Variants in ADRA1A observed in about 807,000 individuals in gnomAD.
The protein encoded by ADRA1A is adrenoceptor alpha 1A.
ADRA1A carries 31 observed loss-of-function variants against 29.6 expected under a neutral mutation model. The ratio of observed to expected loss-of-function variants is 1.05; its 90% CI spans 0.79 to 1.41. ADRA1A has a LOEUF of 1.41. Ranked by LOEUF, ADRA1A falls within the 40% of genes most tolerant of loss-of-function variation. The pLI is 0.00. For synonymous variants in ADRA1A, 311 were observed against 254.3 expected (o/e 1.22, Z -2.12); for missense variants, 619 against 601.1 (o/e 1.03, Z -0.31).
rs770838608 is a variant in ADRA1A, at chr8:26,770,196, T to C, written c.1354A>G (p.Ile452Val). The change falls in exon 3 of 3, where the codon ATT becomes GTT. Residue 452 changes from isoleucine (I) to valine (V), a missense_variant. Physicochemically the swap from Ile to Val is conservative, Grantham distance 29. Transcript: ENST00000380573. Reference sequence around the variant, plus strand: ...CTGAGGGAGATGGTGTGGACCTTAATGGTTGGAACTTGATGGTTCTTGTCA... The same window carrying C: ...CTGAGGGAGATGGTGTGGACCTTAACGGTTGGAACTTGATGGTTCTTGTCA... ...SLDKNHQVPT[I>V]KVHTISLSEN... is the part of the protein sequence containing the mutation. 10 of 1,593,116 alleles carry C rather than the reference T, an allele frequency of 6.3e-6. No homozygotes were observed. The highest frequency in any genetic ancestry group is 7.7e-6 in the Non-Finnish European group (9 of 1,168,662).
chr8:26,803,417 G>A lies in ADRA1A; in HGVS notation c.884-32751C>T, dbSNP rs557188156. On this transcript the variant is annotated intron_variant, in intron 2 of 2. Coordinates refer to ENST00000380573, the MANE Select transcript of ADRA1A (RefSeq NM_000680.4). ...ATGACTCTTGAACTATACTTATACT[G>A]TGCACAAAAATTAATTTGTATGGAG... 7.9e-5 allele frequency among the ~76,000 whole-genome samples: 12 copies of A among 152,126 alleles called. No homozygotes were observed. In the South Asian group the frequency reaches 2.5e-3, roughly 32 times the overall value.
At chr8:26,846,730 C>A (rs1442451044) in intron 2 of ADRA1A, among the ~76,000 whole-genome samples, 3 of 152,168 alleles carry the variant, frequency 2.0e-5, no homozygotes, top group African/African-American at 7.2e-5. Context: ...CGCGATCGCG[C>A]CATTGCACTC....
At chr8:26,854,395 C>T (rs537413531) in intron 2 of ADRA1A, 1 of 101,592 alleles carries the variant, frequency 9.8e-6, no homozygotes, top group East Asian at 2.6e-4. Flanking sequence ...ATGTCTGGAA[C>T]AAAAAAATGC....
chr8:26,793,763 T>C (rs1289861422), intron 2 of ADRA1A, among the ~76,000 whole-genome samples: 1 of 151,950 alleles, frequency 6.6e-6, no homozygotes, highest in Non-Finnish European at 1.5e-5. Context: ...AAATAATATA[T>C]GAAAACTATA....
At chr8:26,800,689 C>A (rs1178349493) in intron 2 of ADRA1A, among the ~76,000 whole-genome samples, 1 of 152,070 alleles carries the variant, frequency 6.6e-6, no homozygotes, top group Non-Finnish European at 1.5e-5. Context: ...CAAAGAAGAA[C>A]TAATACGAAT....
intron 2 of ADRA1A, among the ~76,000 whole-genome samples, chr8:26,853,077 G>A (rs558153609): frequency 1.3e-5 from 2 of 152,120 alleles, no homozygotes; most frequent in East Asian, 1.9e-4. Flanking sequence ...TAAAGCAAAT[G>A]TTTAATTTAA....
chr8:26,822,514 A>C (rs912530295), intron 2 of ADRA1A, among the ~76,000 whole-genome samples: 6 of 152,240 alleles, frequency 3.9e-5, no homozygotes, highest in Non-Finnish European at 8.8e-5. Flanking sequence ...ACAGATTTAC[A>C]TTCTTACAAA....
intron 2 of ADRA1A, among the ~76,000 whole-genome samples, chr8:26,788,677 T>C (rs1009264138): frequency 6.6e-6 from 1 of 152,140 alleles, no homozygotes; most frequent in Non-Finnish European, 1.5e-5. Context: ...AAAATGAGAC[T>C]CGGGGAGTTT....
chr8:26,830,548 T>C (rs1810901134), intron 2 of ADRA1A, among the ~76,000 whole-genome samples: 1 of 151,856 alleles, frequency 6.6e-6, no homozygotes, highest in Non-Finnish European at 1.5e-5. Context: ...AGGGGAAGAG[T>C]TAACAGAGGG....
rs895605989 is a variant in ADRA1A at position 26,831,913 on chromosome 8, C to G, written c.883+32174G>C. On this transcript the variant is annotated intron_variant, in intron 2 of 2. Transcript: ENST00000380573. This position sits in a 1 kb window ranked among gnomAD's most constrained non-coding sequence, Gnocchi z 5.2. ...TGCTCCAGGCTGGCTCCCACCTCTC[C>G]CTAAGAGACACCTGGGCCTGGCCGT... 6.6e-6 allele frequency among the ~76,000 whole-genome samples: 1 copy of G among 152,212 alleles called. No homozygotes were observed. The highest frequency in any genetic ancestry group is 1.5e-5 in the Non-Finnish European group (1 of 68,042).
intron 2 of ADRA1A, among the ~76,000 whole-genome samples, chr8:26,849,428 T>C (rs1812452467): frequency 6.6e-6 from 1 of 152,184 alleles, no homozygotes; most frequent in South Asian, 2.1e-4. Flanking sequence ...CGGTCAGTCA[T>C]GCCACCCGGA....
intron 2 of ADRA1A, among the ~76,000 whole-genome samples, chr8:26,790,350 C>T (rs1157712357): frequency 1.3e-5 from 2 of 152,006 alleles, no homozygotes; most frequent in Non-Finnish European, 2.9e-5. Flanking sequence ...TGAAATAAGC[C>T]AGGAACAGAA....
At chr8:26,847,349 T>G (rs1262508732) in intron 2 of ADRA1A, among the ~76,000 whole-genome samples, 1 of 152,180 alleles carries the variant, frequency 6.6e-6, no homozygotes, top group African/African-American at 2.4e-5. Flanking sequence ...GATTGAGAAC[T>G]ACTAATGTGA....
In ADRA1A at chr8:26,775,288, G is replaced by C. The variant is rs61760529; in HGVS notation, c.884-4622C>G. On this transcript the variant is annotated intron_variant, in intron 2 of 2. Transcript: ENST00000380573. This position sits in a 1 kb window ranked among gnomAD's most constrained non-coding sequence, Gnocchi z 4.1. ...AGTGTGGCTTGGTTTTCTTTTCTGCGTGATGGCTGTAGCCTCATATTATCT... is the reference window on the plus strand; with the variant it reads ...AGTGTGGCTTGGTTTTCTTTTCTGCCTGATGGCTGTAGCCTCATATTATCT... Among the ~76,000 whole-genome samples the C allele has an allele frequency of 2.6e-5, 4 of 152,136 alleles. No homozygotes were observed. Among genetic ancestry groups the C allele is most frequent in the African/African-American group, 4.8e-5 (2 of 41,426 alleles).
intron 2 of ADRA1A, among the ~76,000 whole-genome samples, chr8:26,786,476 C>A (rs1807397759): frequency 6.6e-6 from 1 of 151,820 alleles, no homozygotes; most frequent in African/African-American, 2.4e-5. Flanking sequence ...AGATGTACTC[C>A]ATTGAGTACA....
chr8:26,783,043 C>T (rs1050023885), intron 2 of ADRA1A, among the ~76,000 whole-genome samples: 11 of 152,180 alleles, frequency 7.2e-5, no homozygotes, highest in African/African-American at 2.7e-4. Context: ...CTAGCTAGAA[C>T]CTCATATCAG....
At chr8:26,794,401 T>C (rs1808045443) in intron 2 of ADRA1A, among the ~76,000 whole-genome samples, 1 of 152,102 alleles carries the variant, frequency 6.6e-6, no homozygotes, top group Admixed American at 6.6e-5. Flanking sequence ...AGAATTGTGG[T>C]TCATGAATCT....
At position 26,769,369 on chromosome 8, in the gene ADRA1A, C is replaced by T; in HGVS notation, c.*780G>A. The T allele has an allele frequency of 1.0e-6, 1 of 985,416 alleles. No individual in the cohort carries two copies. The highest frequency in any genetic ancestry group is 5.2e-4 in the Middle Eastern group (1 of 1,914). 61.0% of individuals were successfully genotyped at this position (985,416 alleles called of 1,614,324 possible). A position where few individuals can be genotyped will look rare whatever the true frequency, so the allele number is the denominator to read the frequency against. On this transcript the variant is annotated 3_prime_UTR_variant, in exon 3 of 3. Coordinates refer to ENST00000380573, the MANE Select transcript of ADRA1A (RefSeq NM_000680.4). ...ATCTTGGAACTGTTTAATGGATTTT[C>T]TCTCTAGTAGTTAAATTGAAAGAAT... is the stretch of plus-strand genomic sequence containing the variant.
rs895520210 is a variant in ADRA1A at position 26,831,714 on chromosome 8, A to G, written c.883+32373T>C. Among the ~76,000 whole-genome samples the G allele has an allele frequency of 2.0e-5, 3 of 152,256 alleles. No homozygotes were observed. The highest frequency in any genetic ancestry group is 7.2e-5 in the African/African-American group (3 of 41,464). On this transcript the variant is annotated intron_variant, in intron 2 of 2. Coordinates refer to ENST00000380573, the MANE Select transcript of ADRA1A (RefSeq NM_000680.4). The surrounding 1 kb of genome is among the most constrained non-coding windows in gnomAD (Gnocchi z 5.2). ...TTTCTTTCCAGGACAAGAAGAACAT[A>G]GTTTCACTCGCAGGGAATGAAGGAC...
Sources: gnomAD v4.1 joint callset for allele counts (sites outside exome capture counted in the v4.1 genomes callset) on GRCh38, gnomAD v4.1.1 for gene constraint, Gnocchi (gnomAD v3.1) non-coding constraint, MANE v1.5 for transcripts, NCBI Gene and HGNC (gene_info 2026-07-23, HGNC 2026-07-21) for gene names.